Variants in PIK3R1 observed in about 807,000 individuals in gnomAD.
PIK3R1 encodes phosphatidylinositol 3-kinase regulatory subunit alpha.
In PIK3R1, 29 loss-of-function variants were observed where a neutral mutation model predicts 98.0. The ratio of observed to expected loss-of-function variants is 0.30; its 90% CI spans 0.22 to 0.40. The LOEUF is 0.40. PIK3R1 is among the 10% of genes least tolerant of loss of function. The pLI is 1.00. For missense variants in PIK3R1, 596 were observed against 872.7 expected (o/e 0.68, Z 3.99); for synonymous variants, 282 against 311.8 (o/e 0.90, Z 1.01).
intron 2 of PIK3R1, among the ~76,000 whole-genome samples, chr5:68,236,824 T>A (rs1474228051): frequency 2.6e-5 from 4 of 152,220 alleles, no homozygotes; most frequent in Admixed American, 2.6e-4. Context: ...TTACCTCCAA[T>A]TTATATGTGA....
Position 68,279,651 on chromosome 5 carries a change from C to T in PIK3R1, c.552C>T (p.Asp184=), listed in dbSNP as rs374140006. The change falls in exon 5 of 16, where the codon GAC becomes GAT. Residue 184 remains aspartate (D), a synonymous_variant. Transcript: ENST00000521381. The part of the protein sequence containing the change: ...LEMIDVHVLA[D]AFKRYLLDLP... ...TGATCGATGTGCACGTTTTGGCTGA[C>T]GCTTTCAAACGCTATCTCCTGGACT... 1.7e-5 allele frequency: 27 copies of T among 1,613,666 alleles called. No individual in the cohort carries two copies. The highest frequency in any genetic ancestry group is 1.7e-4 in the Admixed American group (10 of 60,002).
intron 4 of PIK3R1, among the ~76,000 whole-genome samples, chr5:68,277,942 G>C (rs752442898): frequency 6.6e-6 from 1 of 152,022 alleles, no homozygotes; most frequent in African/African-American, 2.4e-5. Flanking sequence ...GCCCACCTTT[G>C]CTCCACTGAG....
intron 2 of PIK3R1, among the ~76,000 whole-genome samples, chr5:68,250,439 T>G (rs2112065170): frequency 6.6e-6 from 1 of 152,332 alleles, no homozygotes; most frequent in Admixed American, 6.5e-5. Context: ...CGTGGGGGGA[T>G]TAGATTATTT....
intron 1 of PIK3R1, among the ~76,000 whole-genome samples, chr5:68,224,968 T>C (rs984517811): frequency 2.2e-4 from 34 of 152,374 alleles, no homozygotes; most frequent in African/African-American, 7.0e-4. Flanking sequence ...TGCTACTTCC[T>C]CTCTAATATT....
At chr5:68,239,170 ATTG>A (rs942148042) in intron 2 of PIK3R1, among the ~76,000 whole-genome samples, 1 of 152,172 alleles carries the variant, frequency 6.6e-6, no homozygotes, top group African/African-American at 2.4e-5. Flanking sequence ...TTGCCTTTTT[ATTG>A]TTAAGCTTTA....
chr5:68,267,015 G>A (rs552698616), intron 2 of PIK3R1, among the ~76,000 whole-genome samples: 13 of 152,210 alleles, frequency 8.5e-5, no homozygotes, highest in East Asian at 7.7e-4. Flanking sequence ...TTAGCACACC[G>A]AAAGACCAAC....
chr5:68,247,808 C>G (rs1025611080), intron 2 of PIK3R1, among the ~76,000 whole-genome samples: 1 of 152,160 alleles, frequency 6.6e-6, no homozygotes, highest in Non-Finnish European at 1.5e-5. Flanking sequence ...CCCAACGGGA[C>G]AGGCCAGTGG....
intron 14 of PIK3R1, 25 bp from the exon 15 acceptor site, chr5:68,296,146 G>A: frequency 1.9e-6 from 3 of 1,612,716 alleles, no homozygotes; most frequent in Non-Finnish European, 2.5e-6. Flanking sequence ...TCTTCATTTA[G>A]AAACTTTCTG....
chr5:68,247,821 A>G (rs959042000), intron 2 of PIK3R1, among the ~76,000 whole-genome samples: 2 of 152,098 alleles, frequency 1.3e-5, no homozygotes, highest in African/African-American at 4.8e-5. Flanking sequence ...GCCAGTGGTG[A>G]CGTTGGCCTT....
chr5:68,286,839 GT>G (rs1747099341), intron 7 of PIK3R1, among the ~76,000 whole-genome samples: 1 of 152,150 alleles, frequency 6.6e-6, no homozygotes, highest in South Asian at 2.1e-4. Context: ...GGAGACTGAT[GT>G]TTCCAATGTT....
chr5:68,250,296 C>G (rs1745254099), intron 2 of PIK3R1, among the ~76,000 whole-genome samples: 1 of 152,198 alleles, frequency 6.6e-6, no homozygotes, highest in South Asian at 2.1e-4. Flanking sequence ...CAGGCCCCAG[C>G]ATGGGAAGGC....
At chr5:68,288,546 T>C (rs1747192367) in intron 7 of PIK3R1, 2 of 1,469,916 alleles carry the variant, frequency 1.4e-6, no homozygotes, top group African/African-American at 1.4e-5. Context: ...GCTGGGCCAC[T>C]GTGCACGCCC....
intron 2 of PIK3R1, among the ~76,000 whole-genome samples, chr5:68,230,178 G>A (rs549010929): frequency 6.6e-6 from 1 of 152,302 alleles, no homozygotes; most frequent in East Asian, 1.9e-4. Context: ...TCGTCTCATG[G>A]AGTCTGGCTC....
intron 4 of PIK3R1, among the ~76,000 whole-genome samples, chr5:68,279,257 C>T (rs1746716422): frequency 6.6e-6 from 1 of 152,112 alleles, no homozygotes; most frequent in Non-Finnish European, 1.5e-5. Flanking sequence ...GGGTAGGTAA[C>T]CACTGAAGAT....
intron 7 of PIK3R1, among the ~76,000 whole-genome samples, chr5:68,290,080 A>T (rs1029317611): frequency 2.6e-5 from 4 of 152,204 alleles, no homozygotes; most frequent in African/African-American, 9.7e-5. Flanking sequence ...TGTTTGGTAG[A>T]GGAGGACATC....
rs1354356144 is a variant in PIK3R1, at chr5:68,299,720, T to A, written c.*2119T>A. The A allele has an allele frequency of 3.4e-5, 8 of 233,232 alleles. No individual in the cohort carries two copies. Among genetic ancestry groups the A allele is most frequent in the Admixed American group, 5.6e-5 (1 of 17,802 alleles). The allele number at this position is 233,232 out of a possible 1,614,324, so 14.4% of individuals were successfully genotyped here. A position where few individuals can be genotyped will look rare whatever the true frequency, so the allele number is the denominator to read the frequency against. On this transcript the variant is annotated 3_prime_UTR_variant, in exon 16 of 16. Coordinates refer to ENST00000521381, the MANE Select transcript of PIK3R1 (RefSeq NM_181523.3). ...CTGTTACTTTGTTTTTTAATGTTGT[T>A]CCTTTTGAAAGAATCAGTCTTGCAG...
chr5:68,241,673 C>T (rs1453578514), intron 2 of PIK3R1, among the ~76,000 whole-genome samples: 1 of 152,228 alleles, frequency 6.6e-6, no homozygotes, highest in Non-Finnish European at 1.5e-5. Flanking sequence ...GAGTCCAACA[C>T]TAGTAGCTGG....
intron 7 of PIK3R1, among the ~76,000 whole-genome samples, chr5:68,285,658 C>G (rs964753682): frequency 6.6e-6 from 1 of 152,174 alleles, no homozygotes; most frequent in South Asian, 2.1e-4. Flanking sequence ...GCAGATGTCT[C>G]TTTGTCTCAA....
intron 7 of PIK3R1, among the ~76,000 whole-genome samples, chr5:68,287,891 A>G (rs1409849149): frequency 6.6e-6 from 1 of 152,116 alleles, no homozygotes; most frequent in Non-Finnish European, 1.5e-5. Context: ...ATGCCCTCCT[A>G]CTACTTACTA....
Sources: gnomAD v4.1 joint callset for allele counts (sites outside exome capture counted in the v4.1 genomes callset) on GRCh38, gnomAD v4.1.1 for gene constraint, MANE v1.5 for transcripts, NCBI Gene and HGNC (gene_info 2026-07-23, HGNC 2026-07-21) for gene names.